Variants in ANKRD6 observed in about 807,000 individuals in gnomAD.
ANKRD6 encodes the protein ankyrin repeat domain 6, also known as ankyrin repeat domain-containing protein 6.
A neutral mutation model predicts 82.3 loss-of-function variants in ANKRD6; 56 were observed. That is an observed-to-expected ratio of 0.68 (90% CI 0.55 to 0.85). ANKRD6 has a LOEUF of 0.85. ANKRD6 is among the 40% of genes least tolerant of loss of function. The pLI is 0.00. For missense variants in ANKRD6, 852 were observed against 907.6 expected, an observed-to-expected ratio of 0.94 and a Z score of 0.79; for synonymous variants, 347 against 352.1, an observed-to-expected ratio of 0.99 and a Z score of 0.16.
intron 1 of ANKRD6, among the ~76,000 whole-genome samples, chr6:89,465,989 T>C (rs528355492): frequency 1.4e-4 from 22 of 152,316 alleles, no homozygotes; most frequent in African/African-American, 5.3e-4. Context: ...GAAAAGCAGA[T>C]AATATAGGAA....
intron 2 of ANKRD6, among the ~76,000 whole-genome samples, chr6:89,579,422 T>C (rs577472571): frequency 5.9e-5 from 9 of 152,156 alleles, no homozygotes; most frequent in Non-Finnish European, 4.4e-5. Context: ...CACAAGGCCA[T>C]TCAGTATCCT....
At chr6:89,511,744 A>G (rs1031734270) in intron 1 of ANKRD6, among the ~76,000 whole-genome samples, 1 of 152,176 alleles carries the variant, frequency 6.6e-6, no homozygotes, top group Non-Finnish European at 1.5e-5. Context: ...TGATGTCACT[A>G]TTCCCTAGGG....
At chr6:89,576,524 C>T (rs1791144215) in intron 2 of ANKRD6, among the ~76,000 whole-genome samples, 1 of 152,194 alleles carries the variant, frequency 6.6e-6, no homozygotes, top group African/African-American at 2.4e-5. Flanking sequence ...TTTTCTGCTA[C>T]TCCTTTCACC....
chr6:89,438,043 A>T (rs540962120), intron 1 of ANKRD6, among the ~76,000 whole-genome samples: 1 of 152,334 alleles, frequency 6.6e-6, no homozygotes, highest in East Asian at 1.9e-4. Flanking sequence ...TGGGGTAGGT[A>T]AGTGGCAAAA....
At chr6:89,437,402 C>T (rs1203122192) in intron 1 of ANKRD6, among the ~76,000 whole-genome samples, 1 of 152,124 alleles carries the variant, frequency 6.6e-6, no homozygotes, top group Non-Finnish European at 1.5e-5. Flanking sequence ...CAAAGGAAGT[C>T]CCAGAATGAA....
intron 1 of ANKRD6, among the ~76,000 whole-genome samples, chr6:89,474,399 A>G (rs1261075736): frequency 6.6e-6 from 1 of 152,244 alleles, no homozygotes; most frequent in African/African-American, 2.4e-5. Flanking sequence ...AACAGAGGTC[A>G]TAAAGGCATT....
intron 1 of ANKRD6, among the ~76,000 whole-genome samples, chr6:89,448,179 A>C (rs1012484282): frequency 1.3e-5 from 2 of 152,124 alleles, no homozygotes; most frequent in Non-Finnish European, 2.9e-5. Flanking sequence ...TCACACCTGT[A>C]ATCCCAGCAT....
intron 1 of ANKRD6, among the ~76,000 whole-genome samples, chr6:89,553,680 G>A (rs1184503900): frequency 1.3e-5 from 2 of 152,122 alleles, no homozygotes; most frequent in Non-Finnish European, 2.9e-5. Flanking sequence ...TGAGGACTCA[G>A]TCTGACTCAG....
At chr6:89,452,738 C>T (rs1194763177) in intron 1 of ANKRD6, among the ~76,000 whole-genome samples, 1 of 152,064 alleles carries the variant, frequency 6.6e-6, no homozygotes, top group African/African-American at 2.4e-5. Flanking sequence ...GCTGAATTAC[C>T]TCACTTGGAA....
At chr6:89,576,387 A>G (rs1312146349) in intron 2 of ANKRD6, among the ~76,000 whole-genome samples, 2 of 152,162 alleles carry the variant, frequency 1.3e-5, no homozygotes, top group Non-Finnish European at 2.9e-5. Flanking sequence ...GTTGTACTTC[A>G]TCATGTTGAC....
At position 89,538,505 on chromosome 6, in the gene ANKRD6, C is replaced by T. The variant is rs565403431; in HGVS notation, c.-143-28329C>T. 1.3e-5 allele frequency among the ~76,000 whole-genome samples: 2 copies of T among 152,180 alleles called. 1 individual carries two copies. The highest frequency in any genetic ancestry group is 4.8e-5 in the African/African-American group (2 of 41,450). ...ATTCTAGAGTACAGAGCGGAAGAAG[C>T]ATGCACCATAATGTAAGTCAACATA... On this transcript the variant is annotated intron_variant, in intron 1 of 15. Transcript: ENST00000339746.
chr6:89,607,637 T>A (rs1443822028), intron 5 of ANKRD6, among the ~76,000 whole-genome samples: 1 of 149,096 alleles, frequency 6.7e-6, no homozygotes, highest in Non-Finnish European at 1.5e-5. Flanking sequence ...TTATTTCTTT[T>A]ACAATTGGGA....
chr6:89,467,087 A>G (rs1252893152), intron 1 of ANKRD6, among the ~76,000 whole-genome samples: 2 of 151,646 alleles, frequency 1.3e-5, no homozygotes, highest in Non-Finnish European at 2.9e-5. Flanking sequence ...CATGTGCCGT[A>G]GTCTAGCTGT....
At chr6:89,505,415 C>T (rs1779726897) in intron 1 of ANKRD6, among the ~76,000 whole-genome samples, 1 of 152,216 alleles carries the variant, frequency 6.6e-6, no homozygotes, top group Admixed American at 6.5e-5. Flanking sequence ...GAATTGAGTG[C>T]TCACAGAATC....
chr6:89,582,685 A>G (rs1562918293), intron 2 of ANKRD6, among the ~76,000 whole-genome samples: 2 of 126,866 alleles, frequency 1.6e-5, no homozygotes, highest in African/African-American at 6.3e-5. Flanking sequence ...TTCTGTCTCT[A>G]TGAATTTGTG....
intron 5 of ANKRD6, among the ~76,000 whole-genome samples, chr6:89,609,415 C>T (rs1425341763): frequency 6.6e-6 from 1 of 152,052 alleles, no homozygotes; most frequent in Admixed American, 6.6e-5. Flanking sequence ...GATTCTCCTG[C>T]CTCACCCTCC....
intron 1 of ANKRD6, among the ~76,000 whole-genome samples, chr6:89,487,764 G>A (rs1432063210): frequency 1.3e-5 from 2 of 152,150 alleles, no homozygotes; most frequent in Non-Finnish European, 2.9e-5. Context: ...TGTGTGAGAG[G>A]ATGTGAATGT....
chr6:89,559,719 G>A (rs1256169974), intron 1 of ANKRD6, among the ~76,000 whole-genome samples: 2 of 152,162 alleles, frequency 1.3e-5, no homozygotes, highest in African/African-American at 4.8e-5. Flanking sequence ...GTGCTGACAG[G>A]CCTGTCTCAC....
chr6:89,602,778 C>T (rs753590980), intron 3 of ANKRD6: 3 of 481,228 alleles, frequency 6.2e-6, no homozygotes, highest in Non-Finnish European at 1.1e-5. Context: ...GCTCTGTGGC[C>T]GAGGGCTATT....
Sources: allele counts gnomAD v4.1 joint callset (sites outside exome capture counted in the v4.1 genomes callset), GRCh38; gene constraint gnomAD v4.1.1; transcripts MANE v1.5; gene names NCBI Gene and HGNC (gene_info 2026-07-23, HGNC 2026-07-21).